SYT14: variants seen among roughly 807,000 people sequenced by gnomAD.
SYT14 encodes the protein synaptotagmin 14.
A neutral mutation model predicts 74.2 loss-of-function variants in SYT14; 32 were observed. That is an observed-to-expected ratio of 0.43 (90% CI 0.33 to 0.58). The LOEUF (loss-of-function observed/expected upper bound fraction) is 0.58. Ranked by LOEUF, SYT14 falls within the 20% of genes least tolerant of loss-of-function variation. SYT14 has a pLI of 0.05. For missense variants in SYT14, 791 were observed against 981.8 expected (o/e 0.81, Z 2.60); for synonymous variants, 298 against 337.7 (o/e 0.88, Z 1.29).
rs1463838851 is a variant in SYT14 at position 209,972,368 on chromosome 1, A to AT, written c.-486+19617dup. On this transcript the variant is annotated intron_variant, in intron 2 of 9. Coordinates refer to ENST00000637265, the Ensembl canonical transcript of SYT14. Reference sequence around the variant, plus strand: ...CTCAGTTTCCTTCAGTTCTACTCTGATTTTTAGTTATTTCTTTTTTTCTGC... The same window carrying AT: ...CTCAGTTTCCTTCAGTTCTACTCTGATTTTTTAGTTATTTCTTTTTTTCTGC... Among the ~76,000 whole-genome samples, 3 of 151,582 alleles carry AT rather than the reference A, an allele frequency of 2.0e-5. No individual in the cohort carries two copies. The South Asian group carries it at 6.2e-4, about 32-fold the overall frequency.
intron 1 of SYT14, among the ~76,000 whole-genome samples, chr1:209,938,519 C>G (rs1279727244): frequency 6.6e-6 from 1 of 151,944 alleles, no homozygotes; most frequent in Non-Finnish European, 1.5e-5. Flanking sequence ...CTCCCGGCGG[C>G]CGCACGCGGG....
chr1:209,952,373 A>C (rs995255288), intron 1 of SYT14, among the ~76,000 whole-genome samples: 3 of 152,166 alleles, frequency 2.0e-5, no homozygotes, highest in Non-Finnish European at 4.4e-5. Flanking sequence ...GCTCAGATAC[A>C]AAAGTGGGTC....
intron 5 of SYT14, among the ~76,000 whole-genome samples, chr1:210,055,507 A>G (rs559063252): frequency 2.8e-4 from 43 of 152,070 alleles, no homozygotes; most frequent in African/African-American, 9.9e-4. Context: ...TTTTTTTCCT[A>G]TTAGAATGTC....
intron 2 of SYT14, among the ~76,000 whole-genome samples, chr1:209,963,100 G>A (rs1037997773): frequency 9.9e-5 from 15 of 152,186 alleles, no homozygotes; most frequent in Admixed American, 9.8e-4. Flanking sequence ...TACCGGAACA[G>A]AAAGACTAGA....
At chr1:210,103,572 TTTAACA>T (rs1385258668) in intron 7 of SYT14, among the ~76,000 whole-genome samples, 6 of 115,622 alleles carry the variant, frequency 5.2e-5, no homozygotes, top group Admixed American at 1.9e-4. Context: ...AAAAAAAGAG[TTTAACA>T]TTAAGATATA....
chr1:210,002,312 AT>A (rs71571923), intron 2 of SYT14, among the ~76,000 whole-genome samples: 16 of 151,692 alleles, frequency 1.1e-4, no homozygotes, highest in Non-Finnish European at 2.2e-4. Context: ...GGACATTAAT[AT>A]TTTTTTCTTT....
intron 5 of SYT14, among the ~76,000 whole-genome samples, chr1:210,034,191 T>G (rs1389552503): frequency 6.6e-6 from 1 of 151,708 alleles, no homozygotes; most frequent in African/African-American, 2.4e-5. Flanking sequence ...CACAATGAGG[T>G]TAAGGAACTT....
exon 6 of SYT14, chr1:210,094,416 T>C: frequency 6.2e-7 from 1 of 1,614,006 alleles, no homozygotes; most frequent in Non-Finnish European, 8.5e-7. Context: ...ATCTGTCATG[T>C]ACACCCTCAG....
intron 9 of SYT14, 37 bp from the exon 9 acceptor site, chr1:210,160,692 A>T (rs746229674): frequency 5.0e-6 from 8 of 1,586,764 alleles, no homozygotes; most frequent in African/African-American, 2.7e-5. Context: ...GTTTGTTTCA[A>T]ATGATATTTG....
intron 5 of SYT14, among the ~76,000 whole-genome samples, chr1:210,088,446 G>A (rs57213270): frequency 0.035 from 5,256 of 151,974 alleles, 317 homozygotes; most frequent in African/African-American, 0.12. Context: ...GAGAACATGC[G>A]GTGTTTGGTT....
exon 4 of SYT14, chr1:210,016,085 T>G: frequency 8.1e-7 from 1 of 1,232,110 alleles, no homozygotes; most frequent in South Asian, 4.1e-5. Flanking sequence ...TGTAGAGGAT[T>G]TGACCACTGC....
At chr1:210,133,141 T>A (rs2082711813) in intron 7 of SYT14, among the ~76,000 whole-genome samples, 1 of 152,238 alleles carries the variant, frequency 6.6e-6, no homozygotes, top group East Asian at 1.9e-4. Context: ...GTCCTAATGT[T>A]GCAGTTATAC....
Position 210,094,117 on chromosome 1 carries a change from A to G in SYT14, c.1313-205A>G, listed in dbSNP as rs536952837. Among the ~76,000 whole-genome samples, 22 of 152,258 alleles carry G rather than the reference A, an allele frequency of 1.4e-4. 1 individual carries two copies. The South Asian group carries it at 4.1e-3, about 29-fold the overall frequency. ...TATGACTTTTATTTTTCCTAATCTTATTATGCAGGAGGCAAGGAGTGGGAA... is the reference window on the plus strand; with the variant it reads ...TATGACTTTTATTTTTCCTAATCTTGTTATGCAGGAGGCAAGGAGTGGGAA... On this transcript the variant is annotated intron_variant, in intron 5 of 9. Transcript: ENST00000637265.
At chr1:209,978,694 C>A (rs1241388616) in intron 2 of SYT14, among the ~76,000 whole-genome samples, 1 of 152,204 alleles carries the variant, frequency 6.6e-6, no homozygotes, top group East Asian at 1.9e-4. Flanking sequence ...CTCAGATCTC[C>A]AGCTGCGTGC....
At chr1:209,997,980 CT>C (rs1388805128) in intron 2 of SYT14, among the ~76,000 whole-genome samples, 1 of 151,900 alleles carries the variant, frequency 6.6e-6, no homozygotes, top group Admixed American at 6.6e-5. Context: ...AAGTTAAAGG[CT>C]TTTTTGAGTA....
intron 7 of SYT14, among the ~76,000 whole-genome samples, chr1:210,128,142 G>A (rs1026646882): frequency 5.9e-5 from 9 of 152,170 alleles, no homozygotes; most frequent in Non-Finnish European, 1.3e-4. Flanking sequence ...GAAGGCTGAG[G>A]CAGGACGATC....
chr1:210,145,580 ACAAAG>A lies in SYT14; in HGVS notation c.2035-10137_2035-10133del, dbSNP rs571513962. 2.4e-3 allele frequency among the ~76,000 whole-genome samples: 368 copies of A among 152,322 alleles called. 2 individuals are homozygous for A. The highest frequency in any genetic ancestry group is 3.9e-3 in the Non-Finnish European group (264 of 68,022). ...ACTCACAGTCTAGTGGGAAAGACAG[ACAAAG>A]CAACAGTTACAGGACAGAAAGTCTC... On this transcript the variant is annotated intron_variant, in intron 7 of 9. Transcript: ENST00000637265.
In SYT14 at chr1:210,016,583, TATC is replaced by T; in HGVS notation, c.582_584del (p.Tyr194_Gln195delinsTer). ...TAAGAATGATTTAAAGGAGGTAGGA[TATC>T]AAGAAATGAAAGGAAATCAGAAGAA... On this transcript the variant is annotated stop_gained and inframe_deletion, in exon 4 of 10. Coordinates refer to ENST00000637265, the Ensembl canonical transcript of SYT14. LOFTEE classifies it high-confidence loss of function. 8.1e-7 allele frequency: 1 copy of T among 1,231,908 alleles called. No individual in the cohort carries two copies. Among genetic ancestry groups the T allele is most frequent in the Non-Finnish European group, 1.0e-6 (1 of 987,874 alleles). 76.3% of individuals were successfully genotyped at this position (1,231,908 alleles called of 1,614,324 possible). A position where few individuals can be genotyped will look rare whatever the true frequency, so the allele number is the denominator to read the frequency against.
intron 2 of SYT14, among the ~76,000 whole-genome samples, chr1:209,956,342 G>A (rs1025383963): frequency 1.3e-5 from 2 of 152,210 alleles, no homozygotes; most frequent in East Asian, 1.9e-4. Context: ...TTTAAATCAG[G>A]TATTTCTAGT....
Sources: gnomAD v4.1 joint callset for allele counts (sites outside exome capture counted in the v4.1 genomes callset) on GRCh38, gnomAD v4.1.1 for gene constraint, MANE v1.5 for transcripts, NCBI Gene and HGNC (gene_info 2026-07-23, HGNC 2026-07-21) for gene names.